The following FTO variants were observed in gnomAD, a reference collection of about 807,000 sequenced individuals.
FTO encodes the protein alpha-ketoglutarate-dependent dioxygenase FTO.
A neutral mutation model predicts 63.9 loss-of-function variants in FTO; 47 were observed. The observed-to-expected ratio is 0.74, with a 90% CI of 0.58 to 0.94. FTO has a LOEUF of 0.94. Among genes scored for constraint, FTO ranks in the 40% least tolerant of loss-of-function variants. The pLI is 0.00. For synonymous variants in FTO, 207 were observed against 224.4 expected, an observed-to-expected ratio of 0.92 and a Z score of 0.69; for missense variants, 562 against 618.1, an observed-to-expected ratio of 0.91 and a Z score of 0.96.
chr16:53,937,125 G>A (rs573124519), intron 8 of FTO: 1 of 397,474 alleles, frequency 2.5e-6, no homozygotes, highest in Non-Finnish European at 4.4e-6. Context: ...TTGTCACAGT[G>A]TCACACAACC....
chr16:53,774,592 TTACTTAAACCCTTTATATA>T (rs897523812), intron 1 of FTO, among the ~76,000 whole-genome samples: 8 of 152,316 alleles, frequency 5.3e-5, no homozygotes, highest in Admixed American at 5.2e-4. Context: ...TGTTCTACTT[TTACTTAAACCCTTTATATA>T]TGTCTGGATT....
intron 8 of FTO, among the ~76,000 whole-genome samples, chr16:54,007,296 T>TA (rs1289661330): frequency 6.6e-6 from 1 of 152,052 alleles, no homozygotes; most frequent in Non-Finnish European, 1.5e-5. Context: ...CCCTAAAACT[T>TA]AAAGTATAAT....
intron 8 of FTO, among the ~76,000 whole-genome samples, chr16:54,019,000 C>G (rs2084526425): frequency 6.6e-6 from 1 of 152,130 alleles, no homozygotes; most frequent in Admixed American, 6.6e-5. Flanking sequence ...TGATCATAGG[C>G]CCAATGATGC....
chr16:53,918,823 A>G (rs1042635865), intron 7 of FTO, among the ~76,000 whole-genome samples: 3 of 152,160 alleles, frequency 2.0e-5, no homozygotes, highest in Admixed American at 6.5e-5. Flanking sequence ...TCCATTCCAT[A>G]TGTTCTGTAT....
rs766971002 is a variant in FTO, at chr16:53,879,880, T to C, written c.1012T>C (p.Cys338Arg). 2.5e-6 allele frequency: 4 copies of C among 1,613,932 alleles called. No homozygotes were observed. Among genetic ancestry groups the C allele is most frequent in the East Asian group, 2.2e-5 (1 of 44,864 alleles). ...TGTLDYILQR[C>R]QLALQNVCDD... ...AACCTTGGATTATATTTTACAACGC[T>C]GTCAGTTGGCTCTGCAGAATGTCTG... Residue 338 changes from cysteine to arginine, a missense_variant, in exon 6 of 9, where the codon TGT (cysteine) becomes CGT (arginine). Coordinates refer to ENST00000471389, the MANE Select transcript of FTO (RefSeq NM_001080432.3).
intron 8 of FTO, among the ~76,000 whole-genome samples, chr16:53,986,912 A>G (rs968322615): frequency 1.3e-5 from 2 of 152,184 alleles, no homozygotes; most frequent in Non-Finnish European, 2.9e-5. Context: ...TTCTAAGTAC[A>G]CTTGTTATTA....
chr16:53,716,873 ATTG>A (rs2075906080), intron 1 of FTO, among the ~76,000 whole-genome samples: 1 of 150,774 alleles, frequency 6.6e-6, no homozygotes, highest in Non-Finnish European at 1.5e-5. Flanking sequence ...TGCTTAGAAT[ATTG>A]TTATTATGCT....
chr16:54,080,782 G>A (rs1204196759), intron 8 of FTO, among the ~76,000 whole-genome samples: 1 of 152,170 alleles, frequency 6.6e-6, no homozygotes, highest in Non-Finnish European at 1.5e-5. Context: ...ATGGGAAAAG[G>A]GACTGACTCA....
chr16:53,858,284 T>C (rs1395201344), intron 4 of FTO, among the ~76,000 whole-genome samples: 1 of 152,190 alleles, frequency 6.6e-6, no homozygotes, highest in East Asian at 1.9e-4. Context: ...ATTATTACTT[T>C]TAAATTAAGC....
intron 7 of FTO, among the ~76,000 whole-genome samples, chr16:53,907,167 A>C: frequency 6.6e-6 from 1 of 152,208 alleles, no homozygotes. Flanking sequence ...CTGTGTCCTG[A>C]TATACCCATT....
intron 8 of FTO, among the ~76,000 whole-genome samples, chr16:53,995,846 T>A (rs180717994): frequency 6.6e-4 from 100 of 152,302 alleles, no homozygotes; most frequent in African/African-American, 2.3e-3. Context: ...CTTTGCTGGA[T>A]GCTCATTTTC....
Position 53,845,603 on chromosome 16 carries a change from A to G in FTO, c.895+1305A>G, listed in dbSNP as rs141167831. On this transcript the variant is annotated intron_variant, in intron 4 of 8. Coordinates refer to ENST00000471389, the MANE Select transcript of FTO (RefSeq NM_001080432.3). ...AAAGGAGATTTTACATCACTATCTT[A>G]AATGGGAATCCAGTATCACTAGGTA... 1.3e-3 allele frequency among the ~76,000 whole-genome samples: 200 copies of G among 152,356 alleles called. 1 individual carries two copies. Among genetic ancestry groups the G allele is most frequent in the African/African-American group, 4.1e-3 (172 of 41,584 alleles).
intron 1 of FTO, among the ~76,000 whole-genome samples, chr16:53,724,506 G>A (rs936964759): frequency 6.6e-6 from 1 of 152,192 alleles, no homozygotes; most frequent in Non-Finnish European, 1.5e-5. Context: ...CTCTATTTGT[G>A]ATTAGAAATC....
chr16:53,943,164 G>T (rs1178269849), intron 8 of FTO, among the ~76,000 whole-genome samples: 1 of 152,264 alleles, frequency 6.6e-6, no homozygotes, highest in East Asian at 1.9e-4. Flanking sequence ...CCTCAAAAAT[G>T]TGTAGGAATT....
At chr16:54,020,196 C>G (rs1472844286) in intron 8 of FTO, among the ~76,000 whole-genome samples, 1 of 152,102 alleles carries the variant, frequency 6.6e-6, no homozygotes, top group Non-Finnish European at 1.5e-5. Flanking sequence ...ACTATTTTGT[C>G]TTTCCTGTAT....
intron 5 of FTO, among the ~76,000 whole-genome samples, chr16:53,879,536 A>C (rs1408494023): frequency 4.6e-5 from 7 of 152,042 alleles, no homozygotes. Flanking sequence ...ATTTAGAAAA[A>C]TTAGCTGGGC....
intron 8 of FTO, among the ~76,000 whole-genome samples, chr16:54,107,251 A>C (rs1229660228): frequency 6.6e-6 from 1 of 152,110 alleles, no homozygotes; most frequent in African/African-American, 2.4e-5. Context: ...ACATTTTAAA[A>C]AATGGGATTT....
At chr16:53,950,741 T>G (rs1452617337) in intron 8 of FTO, among the ~76,000 whole-genome samples, 1 of 152,212 alleles carries the variant, frequency 6.6e-6, no homozygotes, top group African/African-American at 2.4e-5. Context: ...AATATAATAA[T>G]GTTTTACTGT....
chr16:53,814,799 G>T (rs1385215364), intron 2 of FTO: 1 of 152,132 alleles, frequency 6.6e-6, no homozygotes, highest in Non-Finnish European at 1.5e-5. Flanking sequence ...TATTCATTAA[G>T]TTACTTACTC....
Sources: gnomAD v4.1 joint callset for allele counts (sites outside exome capture counted in the v4.1 genomes callset) on GRCh38, gnomAD v4.1.1 for gene constraint, MANE v1.5 for transcripts, NCBI Gene and HGNC (gene_info 2026-07-23, HGNC 2026-07-21) for gene names.